DLG2: variants seen among roughly 807,000 people sequenced by gnomAD.
The protein encoded by DLG2 is disks large homolog 2.
A neutral mutation model predicts 132.5 loss-of-function variants in DLG2; 45 were observed. That is an observed-to-expected ratio of 0.34 (90% CI 0.27 to 0.44). DLG2 has a LOEUF of 0.44. Ranked by LOEUF, DLG2 falls within the 20% of genes least tolerant of loss-of-function variation. DLG2 has a pLI of 1.00. For missense variants in DLG2, 1,045 were observed against 1,196.9 expected (o/e 0.87, Z 1.87); for synonymous variants, 424 against 419.6 (o/e 1.01, Z -0.13).
intron 6 of DLG2, among the ~76,000 whole-genome samples, chr11:85,028,480 C>T (rs1592929895): frequency 6.6e-6 from 1 of 152,162 alleles, no homozygotes; most frequent in African/African-American, 2.4e-5. Context: ...TTGATCATGT[C>T]GTCCACAGAG....
chr11:84,724,189 T>A, intron 6 of DLG2, among the ~76,000 whole-genome samples: 1 of 152,168 alleles, frequency 6.6e-6, no homozygotes, highest in East Asian at 1.9e-4. Flanking sequence ...TAAGCTTCAG[T>A]TTCCTTTTTT....
intron 7 of DLG2, among the ~76,000 whole-genome samples, chr11:84,257,519 T>C (rs959394167): frequency 2.0e-5 from 3 of 152,146 alleles, no homozygotes; most frequent in African/African-American, 7.2e-5. Flanking sequence ...ACAAACACTG[T>C]TATTCTCAAA....
rs538113998 is a variant in DLG2 at position 84,002,439 on chromosome 11, G to C, written c.920-21797C>G. On this transcript the variant is annotated intron_variant, in intron 11 of 27. Transcript: ENST00000376104. ...TCTCCATGAGGGCTCCTCTCCCACA[G>C]CAAACTTCTGCCTGGACATCCAGGC... is the stretch of plus-strand genomic sequence containing the variant. 5.0e-4 allele frequency among the ~76,000 whole-genome samples: 76 copies of C among 152,254 alleles called. 1 individual carries two copies. Among genetic ancestry groups the C allele is most frequent in the African/African-American group, 1.8e-3 (74 of 41,554 alleles).
intron 11 of DLG2, among the ~76,000 whole-genome samples, chr11:84,008,587 G>A (rs889346696): frequency 3.3e-5 from 5 of 151,826 alleles, no homozygotes; most frequent in African/African-American, 1.2e-4. Context: ...GAAGACTAGA[G>A]AGACAGACAT....
intron 5 of DLG2, among the ~76,000 whole-genome samples, chr11:85,145,582 C>G (rs955105808): frequency 2.0e-5 from 3 of 151,888 alleles, no homozygotes; most frequent in Non-Finnish European, 4.4e-5. Flanking sequence ...ACCAACTTTT[C>G]CTTCTGCTTG....
intron 6 of DLG2, among the ~76,000 whole-genome samples, chr11:84,838,402 G>A (rs374145744): frequency 2.0e-5 from 3 of 148,812 alleles, no homozygotes; most frequent in African/African-American, 2.5e-5. Flanking sequence ...TTGAATGACT[G>A]AAAAAAAAAA....
At chr11:84,035,582 T>C (rs1345859832) in intron 11 of DLG2, among the ~76,000 whole-genome samples, 18 of 152,174 alleles carry the variant, frequency 1.2e-4, no homozygotes, top group East Asian at 1.9e-4. Flanking sequence ...TGATGGAAGA[T>C]GAAGCCAAAG....
intron 3 of DLG2, among the ~76,000 whole-genome samples, chr11:85,515,173 T>G (rs1471020122): frequency 6.6e-6 from 1 of 152,006 alleles, no homozygotes; most frequent in African/African-American, 2.4e-5. Flanking sequence ...TTTAACTAAC[T>G]AATTTTGACC....
At chr11:85,243,197 A>G (rs938728) in intron 4 of DLG2, among the ~76,000 whole-genome samples, 133,912 of 151,900 alleles carry the variant, frequency 0.88, 59,340 homozygotes, top group Non-Finnish European at 0.93. Context: ...TCCCACTTAG[A>G]TTTCCACCCA....
In DLG2 at chr11:84,903,834, A is replaced by G. The variant is rs566448518; in HGVS notation, c.357+207827T>C. 1.0e-3 allele frequency among the ~76,000 whole-genome samples: 155 copies of G among 152,290 alleles called. No homozygotes were observed. The Middle Eastern group carries it at 0.01, about 10-fold the overall frequency. On this transcript the variant is annotated intron_variant, in intron 6 of 27. Transcript: ENST00000376104. The stretch of plus-strand genomic sequence containing the variant: ...TCATAGCCAATAATGATTAAAGGCA[A>G]GTTACATCCACCTCAGAAAAATTAT...
At chr11:84,561,386 T>C (rs1398457001) in intron 6 of DLG2, among the ~76,000 whole-genome samples, 1 of 152,074 alleles carries the variant, frequency 6.6e-6, no homozygotes, top group Non-Finnish European at 1.5e-5. Context: ...GTTACCTCTC[T>C]TTTAAGACTC....
At chr11:85,315,017 G>A (rs967266482) in intron 3 of DLG2, among the ~76,000 whole-genome samples, 10 of 152,000 alleles carry the variant, frequency 6.6e-5, no homozygotes, top group African/African-American at 2.4e-4. Flanking sequence ...ACATGAGGTT[G>A]GCATGAGAGA....
rs574194060 is a variant in DLG2 at position 84,681,611 on chromosome 11, T to G, written c.358-146880A>C. ...ACATGCTGGCTCTTCCAACCATCAG[T>G]TTTACATGCTTTCAATTAATGCTTG... On this transcript the variant is annotated intron_variant, in intron 6 of 27. Coordinates refer to ENST00000376104, the MANE Select transcript of DLG2 (RefSeq NM_001142699.3). 6.6e-5 allele frequency among the ~76,000 whole-genome samples: 10 copies of G among 152,144 alleles called. 1 individual carries two copies. The South Asian group carries it at 2.1e-3, about 32-fold the overall frequency.
chr11:83,912,761 C>G (rs546791561), intron 15 of DLG2, among the ~76,000 whole-genome samples: 2 of 152,160 alleles, frequency 1.3e-5, no homozygotes, highest in East Asian at 1.9e-4. Flanking sequence ...TCTTTTCTTT[C>G]TTTTTGCCCC....
intron 6 of DLG2, among the ~76,000 whole-genome samples, chr11:84,625,287 T>TTA (rs2099620801): frequency 6.6e-6 from 1 of 152,174 alleles, no homozygotes; most frequent in South Asian, 2.1e-4. Context: ...AGATGACTCT[T>TTA]TACCACAGAC....
At chr11:84,658,126 C>T (rs1299779121) in intron 6 of DLG2, among the ~76,000 whole-genome samples, 1 of 152,062 alleles carries the variant, frequency 6.6e-6, no homozygotes, top group Non-Finnish European at 1.5e-5. Context: ...CTTCTTCCTT[C>T]CTTCTTACTT....
chr11:83,475,208 C>G (rs1198974017), intron 22 of DLG2, among the ~76,000 whole-genome samples: 1 of 152,044 alleles, frequency 6.6e-6, no homozygotes, highest in Non-Finnish European at 1.5e-5. Context: ...GCATCTTAAA[C>G]TAATTTTTAC....
At chr11:83,518,550 G>A (rs533218831) in intron 21 of DLG2, among the ~76,000 whole-genome samples, 5 of 152,264 alleles carry the variant, frequency 3.3e-5, no homozygotes, top group South Asian at 2.1e-4. Context: ...CCCGCTATCC[G>A]ACAATCCCCA....
rs866844137 is a variant in DLG2 at position 84,364,390 on chromosome 11, T to C, written c.520-113099A>G. 4.1e-4 allele frequency among the ~76,000 whole-genome samples: 62 copies of C among 152,282 alleles called. 2 individuals are homozygous for C. The South Asian group carries it at 0.012, about 30-fold the overall frequency. The stretch of plus-strand genomic sequence containing the variant: ...CCTGAGACTTTGCTGAAGTTGCTTA[T>C]CAGCTTAAGGAGATTTTGGGCTGAG... On this transcript the variant is annotated intron_variant, in intron 7 of 27. Coordinates refer to ENST00000376104, the MANE Select transcript of DLG2 (RefSeq NM_001142699.3).
Sources: allele counts gnomAD v4.1 joint callset (sites outside exome capture counted in the v4.1 genomes callset), GRCh38; gene constraint gnomAD v4.1.1; transcripts MANE v1.5; gene names NCBI Gene and HGNC (gene_info 2026-07-23, HGNC 2026-07-21).